Variants in RTN1 observed in about 807,000 individuals in gnomAD.
RTN1 encodes reticulon 1.
RTN1 carries 25 observed loss-of-function variants against 65.5 expected under a neutral mutation model. The observed-to-expected ratio is 0.38, with a 90% confidence interval of 0.28 to 0.53. RTN1 has a LOEUF of 0.53. RTN1 is among the 20% of genes least tolerant of loss of function. The pLI is 0.79. For missense variants in RTN1, 983 were observed against 1,025.4 expected (o/e 0.96, Z 0.57); for synonymous variants, 471 against 447.6 (o/e 1.05, Z -0.66).
intron 3 of RTN1, among the ~76,000 whole-genome samples, chr14:59,695,735 T>A (rs1001412312): frequency 8.3e-4 from 126 of 152,190 alleles, no homozygotes; most frequent in African/African-American, 2.8e-3. Context: ...AAAATAAGGA[T>A]AAATCTTTAT....
At position 59,631,965 on chromosome 14, in the gene RTN1, C is replaced by T. The variant is rs1030977722; in HGVS notation, c.1766-24473G>A. ...GTGTTCTTTCCCAGATCAAAATCTA[C>T]ATTTGCATACCCCACACCAGCATGG... On this transcript the variant is annotated intron_variant, in intron 3 of 8. Transcript: ENST00000267484. Among the ~76,000 whole-genome samples, 6 of 152,198 alleles carry T rather than the reference C, an allele frequency of 3.9e-5. No individual in the cohort carries two copies. The East Asian group carries it at 9.6e-4, about 24-fold the overall frequency.
intron 3 of RTN1, among the ~76,000 whole-genome samples, chr14:59,662,115 TA>T (rs1262082597): frequency 1.3e-5 from 2 of 151,936 alleles, no homozygotes; most frequent in South Asian, 2.1e-4. Flanking sequence ...CTTTTTATTT[TA>T]TTTTTTTATT....
intron 1 of RTN1, among the ~76,000 whole-genome samples, chr14:59,814,051 C>T (rs1886775990): frequency 6.6e-6 from 1 of 152,174 alleles, no homozygotes; most frequent in Non-Finnish European, 1.5e-5. Flanking sequence ...CAGGCAGGGA[C>T]TCCTGTGAAG....
chr14:59,654,605 C>A (rs1413955455), intron 3 of RTN1, among the ~76,000 whole-genome samples: 2 of 150,846 alleles, frequency 1.3e-5, no homozygotes, highest in Non-Finnish European at 2.9e-5. Flanking sequence ...CTGAAGCCAG[C>A]AACATATAAA....
intron 1 of RTN1, among the ~76,000 whole-genome samples, chr14:59,791,459 A>G (rs1226156664): frequency 2.6e-5 from 4 of 152,166 alleles, no homozygotes; most frequent in African/African-American, 7.2e-5. Context: ...CTGGGTGCAC[A>G]TTGTCTCATT....
intron 3 of RTN1, among the ~76,000 whole-genome samples, chr14:59,638,294 T>C (rs972090258): frequency 6.6e-5 from 10 of 152,236 alleles, no homozygotes; most frequent in Admixed American, 1.3e-4. Context: ...ACCAGGTTCA[T>C]GGTCAATGAG....
intron 1 of RTN1, among the ~76,000 whole-genome samples, chr14:59,781,939 T>G (rs1347093939): frequency 6.6e-6 from 1 of 152,096 alleles, no homozygotes; most frequent in Non-Finnish European, 1.5e-5. Context: ...TCCCCAATGG[T>G]CATATGTTGA....
chr14:59,613,326 T>C (rs1882011097), intron 3 of RTN1, among the ~76,000 whole-genome samples: 1 of 152,214 alleles, frequency 6.6e-6, no homozygotes, highest in African/African-American at 2.4e-5. Flanking sequence ...TGACATGGTG[T>C]CTCACTCTGT....
chr14:59,597,265 A>G (rs1595104173), intron 8 of RTN1, among the ~76,000 whole-genome samples: 1 of 152,220 alleles, frequency 6.6e-6, no homozygotes, highest in Non-Finnish European at 1.5e-5. Flanking sequence ...CTAATTACCC[A>G]CAACTGGAAT....
rs1431921851 is a variant in RTN1, at chr14:59,726,957, C to A, written c.1727G>T (p.Gly576Val). The A allele has an allele frequency of 1.2e-6, 2 of 1,613,388 alleles. No homozygotes were observed. The highest frequency in any genetic ancestry group is 1.1e-5 in the South Asian group (1 of 90,918). ...ATKGPGPLGPGAPPPLLFLNK... is the reference protein window; with the variant it reads ...ATKGPGPLGPVAPPPLLFLNK... ...GAGAAACAGCAGTGGGGGCGGGGCG[C>A]CAGGACCTAGAGGCCCAGGGCCCTT... is the stretch of plus-strand genomic sequence containing the variant. The change falls in exon 3 of 9, where the codon GGC becomes GTC. Residue 576 changes from glycine (G) to valine (V), a missense_variant. Gly to Val is a moderately radical substitution (Grantham distance 109). This residue lies in a region of RTN1 where 818 missense variants were observed against 801.8 expected (regional missense o/e 1.02). Transcript: ENST00000267484.
At chr14:59,610,964 A>G (rs770017858) in intron 3 of RTN1, among the ~76,000 whole-genome samples, 4 of 152,102 alleles carry the variant, frequency 2.6e-5, no homozygotes, top group East Asian at 1.9e-4. Flanking sequence ...TTGACTCCCT[A>G]TGATTTCATC....
intron 1 of RTN1, among the ~76,000 whole-genome samples, chr14:59,867,559 T>C (rs1887821369): frequency 6.6e-6 from 1 of 152,234 alleles, no homozygotes; most frequent in Admixed American, 6.5e-5. Flanking sequence ...GTTTTAATAA[T>C]GTTTAAACTT....
At chr14:59,714,254 AT>A (rs1186157414) in intron 3 of RTN1, among the ~76,000 whole-genome samples, 20 of 151,432 alleles carry the variant, frequency 1.3e-4, no homozygotes, top group South Asian at 1.0e-3. Flanking sequence ...AAAAAAAAAA[AT>A]AGACTAATTT....
chr14:59,807,235 A>G (rs1886655427), intron 1 of RTN1, among the ~76,000 whole-genome samples: 1 of 152,190 alleles, frequency 6.6e-6, no homozygotes, highest in South Asian at 2.1e-4. Flanking sequence ...CTGAATTTGT[A>G]AAGTAAATGC....
intron 3 of RTN1, among the ~76,000 whole-genome samples, chr14:59,632,555 T>A (rs1882576263): frequency 1.4e-5 from 2 of 141,916 alleles, no homozygotes; most frequent in Non-Finnish European, 1.5e-5. Flanking sequence ...TAGGAGGCAC[T>A]GCCAGTCCAA....
intron 1 of RTN1, among the ~76,000 whole-genome samples, chr14:59,837,541 A>C (rs1257556592): frequency 6.6e-6 from 1 of 152,124 alleles, no homozygotes; most frequent in Non-Finnish European, 1.5e-5. Context: ...GTATATAACA[A>C]AAAAGTTAAT....
intron 3 of RTN1, among the ~76,000 whole-genome samples, chr14:59,673,522 G>T (rs893748621): frequency 6.6e-6 from 1 of 152,230 alleles, no homozygotes; most frequent in East Asian, 1.9e-4. Flanking sequence ...GCTCTCAACT[G>T]CGAGAGGGGA....
rs886970508 is a variant in RTN1, at chr14:59,807,465, A to T, written c.242-60984T>A. Among the ~76,000 whole-genome samples, 7 of 152,346 alleles carry T rather than the reference A, an allele frequency of 4.6e-5. No individual in the cohort carries two copies. In the South Asian group the frequency reaches 8.3e-4, roughly 18 times the overall value. ...AAAGATTCAAACATCTGCCTCACTC[A>T]GAGGAATTCAACAGCCTTTCACATC... On this transcript the variant is annotated intron_variant, in intron 1 of 8. Transcript: ENST00000267484.
intron 1 of RTN1, among the ~76,000 whole-genome samples, chr14:59,749,276 A>C (rs867211236): frequency 5.5e-4 from 19 of 34,492 alleles, no homozygotes; most frequent in Non-Finnish European, 7.0e-4. Flanking sequence ...CTATATATAT[A>C]TCTATATATA....
Sources: gnomAD v4.1 joint callset for allele counts (sites outside exome capture counted in the v4.1 genomes callset) on GRCh38, gnomAD v4.1.1 for gene constraint, gnomAD v4.1.1 regional missense constraint, MANE v1.5 for transcripts, NCBI Gene and HGNC (gene_info 2026-07-23, HGNC 2026-07-21) for gene names.